NXN: variants seen among roughly 807,000 people sequenced by gnomAD.
NXN encodes nucleoredoxin.
A neutral mutation model predicts 48.6 loss-of-function variants in NXN; 16 were observed. The observed-to-expected ratio is 0.33, with a 90% CI of 0.22 to 0.50. NXN has a LOEUF of 0.50. Among genes scored for constraint, NXN ranks in the 20% least tolerant of loss-of-function variants. The pLI, the probability that NXN is intolerant of heterozygous loss-of-function variation, is 0.98. For missense variants in NXN, 492 were observed against 605.5 expected, an observed-to-expected ratio of 0.81 and a Z score of 1.97; for synonymous variants, 281 against 269.6, an observed-to-expected ratio of 1.04 and a Z score of -0.41.
intron 5 of NXN, among the ~76,000 whole-genome samples, chr17:808,675 A>ATTTT (rs1911728244): frequency 1.1e-4 from 9 of 80,326 alleles, no homozygotes; most frequent in East Asian, 1.3e-3. Flanking sequence ...ATTATAAACC[A>ATTTT]GTTTTTTTTT....
At chr17:859,601 C>T (rs2068021273) in intron 1 of NXN, among the ~76,000 whole-genome samples, 1 of 152,188 alleles carries the variant, frequency 6.6e-6, no homozygotes, top group African/African-American at 2.4e-5. Flanking sequence ...AAAACAACAG[C>T]TGCACGGACG....
intron 5 of NXN, among the ~76,000 whole-genome samples, chr17:812,990 AT>A (rs767109502): frequency 2.0e-5 from 3 of 151,172 alleles, no homozygotes; most frequent in Non-Finnish European, 4.4e-5. Context: ...GCACATGTGA[AT>A]GTAGGTGTTT....
chr17:922,627 G>A (rs1165305298), intron 1 of NXN, among the ~76,000 whole-genome samples: 1 of 152,026 alleles, frequency 6.6e-6, no homozygotes, highest in Non-Finnish European at 1.5e-5. Flanking sequence ...AAGGTGAGAA[G>A]TGCCCAGCCA....
In NXN at chr17:907,211, G is replaced by A. The variant is rs532246121; in HGVS notation, c.360+72108C>T. Among the ~76,000 whole-genome samples the A allele has an allele frequency of 8.5e-5, 13 of 152,116 alleles. 1 individual carries two copies. Among genetic ancestry groups the A allele is most frequent in the Admixed American group, 7.9e-4 (12 of 15,270 alleles). Reference sequence around the variant, plus strand: ...TGGAGAAAAACATCCCTCCTTGCCCGACCCAACCTATCTTGTTCCCTTTCC... The same window carrying A: ...TGGAGAAAAACATCCCTCCTTGCCCAACCCAACCTATCTTGTTCCCTTTCC... On this transcript the variant is annotated intron_variant, in intron 1 of 7. Transcript: ENST00000336868.
At chr17:924,452 C>G (rs189645692) in intron 1 of NXN, among the ~76,000 whole-genome samples, 87 of 152,260 alleles carry the variant, frequency 5.7e-4, no homozygotes, top group Admixed American at 2.5e-3. Flanking sequence ...GGCCAGGCTG[C>G]TCTTGAACTC....
chr17:896,557 C>G (rs2115), intron 1 of NXN, among the ~76,000 whole-genome samples: 1 of 152,072 alleles, frequency 6.6e-6, no homozygotes, highest in African/African-American at 2.4e-5. Flanking sequence ...GTACCTCTCC[C>G]TGTTGCCTCG....
At chr17:810,743 G>A (rs903760686) in intron 5 of NXN, among the ~76,000 whole-genome samples, 1 of 152,058 alleles carries the variant, frequency 6.6e-6, no homozygotes, top group Non-Finnish European at 1.5e-5. Flanking sequence ...TACAAAATTA[G>A]CTGGGCGTGG....
intron 1 of NXN, among the ~76,000 whole-genome samples, chr17:974,502 T>G (rs2069433845): frequency 6.6e-6 from 1 of 152,106 alleles, no homozygotes; most frequent in African/African-American, 2.4e-5. Flanking sequence ...TAGCATTTAT[T>G]GAGCACTCAC....
intron 1 of NXN, among the ~76,000 whole-genome samples, chr17:939,663 A>G (rs1426590800): frequency 6.6e-6 from 1 of 151,938 alleles, no homozygotes; most frequent in Non-Finnish European, 1.5e-5. Context: ...ATCTTTTTAA[A>G]GAATACGTTC....
intron 1 of NXN, among the ~76,000 whole-genome samples, chr17:977,898 TA>T (rs1269673178): frequency 6.6e-6 from 1 of 152,192 alleles, no homozygotes; most frequent in Non-Finnish European, 1.5e-5. Flanking sequence ...TAAAAAGCAG[TA>T]AAAATGCCAA....
chr17:943,315 C>T (rs2069001890), intron 1 of NXN, among the ~76,000 whole-genome samples: 1 of 152,020 alleles, frequency 6.6e-6, no homozygotes, highest in South Asian at 2.1e-4. Flanking sequence ...TCGAGGACCT[C>T]CAGAGAAAGG....
intron 1 of NXN, among the ~76,000 whole-genome samples, chr17:941,662 G>A (rs1297201984): frequency 2.9e-5 from 1 of 34,944 alleles, no homozygotes; most frequent in South Asian, 1.0e-3. Flanking sequence ...AGATTCCAGG[G>A]CACAGCCATG....
At chr17:934,532 G>A (rs979384667) in intron 1 of NXN, among the ~76,000 whole-genome samples, 6 of 151,840 alleles carry the variant, frequency 4.0e-5, no homozygotes, top group African/African-American at 1.2e-4. Context: ...AAAAGACGCT[G>A]AATTGGTGAC....
chr17:872,613 CT>C (rs34081114), intron 1 of NXN, among the ~76,000 whole-genome samples: 16,577 of 75,630 alleles, frequency 0.22, 503 homozygotes, highest in Non-Finnish European at 0.26. Flanking sequence ...CGGGTGAGAT[CT>C]TTTTTTTTTT....
At chr17:921,950 G>A (rs556588899) in intron 1 of NXN, among the ~76,000 whole-genome samples, 3 of 152,278 alleles carry the variant, frequency 2.0e-5, no homozygotes, top group South Asian at 2.1e-4. Context: ...TGAGGTTACC[G>A]CCTTCCTCCA....
Position 854,195 on chromosome 17 carries a change from T to G in NXN, c.361-28117A>C, listed in dbSNP as rs368405468. Among the ~76,000 whole-genome samples the G allele has an allele frequency of 7.9e-5, 12 of 152,302 alleles. 1 individual carries two copies. The highest frequency in any genetic ancestry group is 5.9e-4 in the Admixed American group (9 of 15,294). The stretch of plus-strand genomic sequence containing the variant: ...ATTAAACGAATGAATCTGGAATAGC[T>G]GCTTCTAATTCCCGCTTCCCACCGT... On this transcript the variant is annotated intron_variant, in intron 1 of 7. Transcript: ENST00000336868.
chr17:893,417 G>T (rs1342239822), intron 1 of NXN, among the ~76,000 whole-genome samples: 2 of 152,202 alleles, frequency 1.3e-5, no homozygotes, highest in African/African-American at 4.8e-5. Flanking sequence ...ATTCACTCTG[G>T]TGAGAATGCC....
In NXN at chr17:932,883, G is replaced by A. The variant is rs1326782593; in HGVS notation, c.360+46436C>T. 6.6e-6 allele frequency among the ~76,000 whole-genome samples: 1 copy of A among 152,188 alleles called. No homozygotes were observed. The highest frequency in any genetic ancestry group is 1.5e-5 in the Non-Finnish European group (1 of 68,038). ...GGCTGGTCTCGAACTCCTGACCTCA[G>A]GTGATCCGCCCGCCTCGGCCTCCCT... On this transcript the variant is annotated intron_variant, in intron 1 of 7. Coordinates refer to ENST00000336868, the MANE Select transcript of NXN (RefSeq NM_022463.5). This position sits in a 1 kb window ranked among gnomAD's most constrained non-coding sequence, Gnocchi z 4.1.
intron 1 of NXN, among the ~76,000 whole-genome samples, chr17:954,909 T>C (rs2069149158): frequency 6.6e-6 from 1 of 152,220 alleles, no homozygotes; most frequent in African/African-American, 2.4e-5. Flanking sequence ...TTAAGAGCTC[T>C]GAGCTGTTGT....
Sources: gnomAD v4.1 joint callset for allele counts (sites outside exome capture counted in the v4.1 genomes callset) on GRCh38, gnomAD v4.1.1 for gene constraint, Gnocchi (gnomAD v3.1) non-coding constraint, MANE v1.5 for transcripts, NCBI Gene and HGNC (gene_info 2026-07-23, HGNC 2026-07-21) for gene names.